REV3L: variants seen among roughly 807,000 people sequenced by gnomAD.
REV3L encodes the protein DNA polymerase zeta catalytic subunit.
A neutral mutation model predicts 299.4 loss-of-function variants in REV3L; 69 were observed. The observed-to-expected ratio is 0.23, with a 90% CI of 0.19 to 0.28. REV3L has a LOEUF of 0.28. Ranked by LOEUF, REV3L falls within the 10% of genes least tolerant of loss-of-function variation. REV3L has a pLI of 1.00. For missense variants in REV3L, 3,128 were observed against 3,693.8 expected, an observed-to-expected ratio of 0.85 and a Z score of 3.97; for synonymous variants, 1,238 against 1,271.4, an observed-to-expected ratio of 0.97 and a Z score of 0.56.
chr6:111,318,235 C>A (rs1773746862), intron 26 of REV3L, among the ~76,000 whole-genome samples: 2 of 151,870 alleles, frequency 1.3e-5, no homozygotes, highest in Admixed American at 1.3e-4. Context: ...CTACAGGGGC[C>A]TACCACCACG....
intron 1 of REV3L, among the ~76,000 whole-genome samples, chr6:111,429,767 C>A (rs1211703778): frequency 6.6e-6 from 1 of 152,138 alleles, no homozygotes; most frequent in Non-Finnish European, 1.5e-5. Context: ...GGAAGCAGCG[C>A]CGCACTGCCT....
intron 31 of REV3L, among the ~76,000 whole-genome samples, chr6:111,302,496 CT>C (rs1339300887): frequency 6.6e-6 from 1 of 152,188 alleles, no homozygotes; most frequent in Non-Finnish European, 1.5e-5. Flanking sequence ...ACATTTAAAA[CT>C]TTAGTGCCCC....
intron 1 of REV3L, among the ~76,000 whole-genome samples, chr6:111,428,897 C>A (rs185007285): frequency 1.3e-5 from 2 of 152,052 alleles, no homozygotes; most frequent in African/African-American, 4.8e-5. Context: ...GGTAAGACAA[C>A]ACCAAATAGA....
intron 1 of REV3L, among the ~76,000 whole-genome samples, chr6:111,472,879 T>A (rs576496167): frequency 6.6e-6 from 1 of 152,182 alleles, no homozygotes; most frequent in Non-Finnish European, 1.5e-5. Context: ...CTTTTACTTA[T>A]AATTTGTTTT....
At chr6:111,380,259 C>G (rs764146630) in intron 10 of REV3L, 40 bp from the exon 11 acceptor site, 1 of 895,960 alleles carries the variant, frequency 1.1e-6, no homozygotes, top group African/African-American at 1.8e-5. Context: ...AATAAGTTTT[C>G]TTTTTTTTTT....
chr6:111,358,810 A>G lies in REV3L; in HGVS notation c.7072+12T>C, dbSNP rs1409539419. 5.0e-6 allele frequency: 8 copies of G among 1,592,568 alleles called. No individual in the cohort carries two copies. The South Asian group carries it at 7.9e-5, about 16-fold the overall frequency. ...AGTGGGCAGGTATATCATTAATAAA[A>G]ATGGACAATACCTTGACTGAAAACT... is the stretch of plus-strand genomic sequence containing the variant. On this transcript the variant is annotated intron_variant, in intron 17 of 31. Coordinates refer to ENST00000368802, the MANE Select transcript of REV3L (RefSeq NM_001372078.1).
At chr6:111,410,300 T>C (rs9487629) in intron 3 of REV3L, among the ~76,000 whole-genome samples, 9 of 152,352 alleles carry the variant, frequency 5.9e-5, no homozygotes, top group African/African-American at 1.9e-4. Flanking sequence ...GCTGACTATA[T>C]AATTTAAAGC....
chr6:111,420,983 C>CA (rs1448922964), intron 1 of REV3L, among the ~76,000 whole-genome samples: 10 of 151,970 alleles, frequency 6.6e-5, no homozygotes, highest in Admixed American at 5.9e-4. Flanking sequence ...ACTAAAAACA[C>CA]AAAAAAATTA....
intron 3 of REV3L, among the ~76,000 whole-genome samples, chr6:111,411,004 C>T (rs1784184031): frequency 6.6e-6 from 1 of 152,032 alleles, no homozygotes; most frequent in South Asian, 2.1e-4. Flanking sequence ...GGGAGACTAA[C>T]TGAGGGAAGA....
intron 28 of REV3L, chr6:111,311,563 G>A (rs1772979355): frequency 5.5e-6 from 1 of 181,648 alleles, no homozygotes; most frequent in Admixed American, 6.1e-5. Flanking sequence ...TTTTTTAATA[G>A]TCAAAGCCTC....
chr6:111,307,596 A>C (rs1052212106), intron 30 of REV3L, 26 bp from the exon 31 acceptor site: 5 of 1,604,684 alleles, frequency 3.1e-6, no homozygotes, highest in Non-Finnish European at 3.4e-6. Context: ...TTCAGAAGTA[A>C]GCCTGAGTCA....
chr6:111,465,745 C>CAAACAAA (rs1554250391), intron 1 of REV3L, among the ~76,000 whole-genome samples: 5 of 76,862 alleles, frequency 6.5e-5, no homozygotes, highest in Non-Finnish European at 1.1e-4. Context: ...AAACAAAAAC[C>CAAACAAA]AAAAAAAAAA....
At chr6:111,382,006 A>G (rs1160827921) in intron 9 of REV3L, among the ~76,000 whole-genome samples, 1 of 152,206 alleles carries the variant, frequency 6.6e-6, no homozygotes, top group Non-Finnish European at 1.5e-5. Context: ...TTTCATTGCC[A>G]TAACTGGGCA....
At chr6:111,304,717 A>G (rs1224039615) in intron 31 of REV3L, among the ~76,000 whole-genome samples, 1 of 151,368 alleles carries the variant, frequency 6.6e-6, no homozygotes, top group Admixed American at 6.6e-5. Context: ...TTGCCCATGC[A>G]GTAAATGTAG....
intron 1 of REV3L, among the ~76,000 whole-genome samples, chr6:111,446,865 C>T (rs1489946041): frequency 2.6e-5 from 4 of 152,036 alleles, no homozygotes; most frequent in African/African-American, 9.7e-5. Context: ...AAGAGATAGG[C>T]ATATATTAAA....
At chr6:111,459,411 C>T (rs928117639) in intron 1 of REV3L, among the ~76,000 whole-genome samples, 2 of 151,924 alleles carry the variant, frequency 1.3e-5, no homozygotes, top group Non-Finnish European at 2.9e-5. Context: ...ACAATTGCAA[C>T]AAAACCAAAA....
At chr6:111,386,464 T>C (rs150822419) in intron 9 of REV3L, among the ~76,000 whole-genome samples, 1 of 152,242 alleles carries the variant, frequency 6.6e-6, no homozygotes, top group East Asian at 1.9e-4. Flanking sequence ...TTAGTGAGGA[T>C]ATAGAGCCAG....
intron 3 of REV3L, among the ~76,000 whole-genome samples, chr6:111,406,030 CTGAG>C (rs540636807): frequency 9.9e-5 from 15 of 151,944 alleles, no homozygotes; most frequent in African/African-American, 2.4e-4. Flanking sequence ...TTTTTCTTTC[CTGAG>C]TATTTTTTTT....
chr6:111,342,002 C>T (rs903736768), intron 21 of REV3L, among the ~76,000 whole-genome samples: 19 of 152,050 alleles, frequency 1.2e-4, no homozygotes, highest in African/African-American at 4.6e-4. Flanking sequence ...GAGGCCTTTG[C>T]CCTAGAGAAA....
Sources: gnomAD v4.1 joint callset for allele counts (sites outside exome capture counted in the v4.1 genomes callset) on GRCh38, gnomAD v4.1.1 for gene constraint, MANE v1.5 for transcripts, NCBI Gene and HGNC (gene_info 2026-07-23, HGNC 2026-07-21) for gene names.